The following CLIC4 variants were observed in gnomAD, a reference collection of about 807,000 sequenced individuals.
CLIC4 encodes CLIC family member 4, also known as chloride intracellular channel protein 4.
In CLIC4, 13 loss-of-function variants were observed where a neutral mutation model predicts 24.6. That is an observed-to-expected ratio of 0.53 (90% CI 0.34 to 0.84). The LOEUF is 0.84. Ranked by LOEUF, CLIC4 falls within the 40% of genes least tolerant of loss-of-function variation. The probability of loss-of-function intolerance (pLI) is 0.01; values close to 1 mark genes in which losing one functional copy is unlikely to be tolerated. For missense variants in CLIC4, 227 were observed against 301.7 expected (o/e 0.75, Z 1.83); for synonymous variants, 104 against 111.3 (o/e 0.93, Z 0.41).
At chr1:24,810,281 A>G (rs1003787519) in intron 2 of CLIC4, among the ~76,000 whole-genome samples, 1 of 152,136 alleles carries the variant, frequency 6.6e-6, no homozygotes, top group Non-Finnish European at 1.5e-5. Flanking sequence ...TCTACTTTTT[A>G]TGTTTGATTG....
chr1:24,766,009 GT>G (rs200678135), intron 1 of CLIC4, among the ~76,000 whole-genome samples: 2 of 151,102 alleles, frequency 1.3e-5, no homozygotes, highest in Non-Finnish European at 1.5e-5. Flanking sequence ...TTTAATTTTA[GT>G]TTTTTTTCTT....
intron 2 of CLIC4, among the ~76,000 whole-genome samples, chr1:24,811,778 C>A (rs767155435): frequency 6.6e-6 from 1 of 151,308 alleles, no homozygotes; most frequent in African/African-American, 2.4e-5. Context: ...CTGCACCCAG[C>A]CTGCCCCAGA....
intron 4 of CLIC4, among the ~76,000 whole-genome samples, chr1:24,838,257 C>T (rs1639905326): frequency 6.6e-6 from 1 of 152,182 alleles, no homozygotes; most frequent in Non-Finnish European, 1.5e-5. Flanking sequence ...ATTTAACAAT[C>T]CTTAGAATAA....
At chr1:24,840,426 GAAT>G (rs1639931221) in intron 5 of CLIC4, among the ~76,000 whole-genome samples, 2 of 152,120 alleles carry the variant, frequency 1.3e-5, no homozygotes, top group Admixed American at 6.5e-5. Context: ...TTGTTAAATA[GAAT>G]AATAATAAGC....
intron 1 of CLIC4, among the ~76,000 whole-genome samples, chr1:24,767,024 T>TAAAAAAAAAAAAAAAAA (rs34142565): frequency 1.4e-5 from 1 of 71,124 alleles, no homozygotes; most frequent in Admixed American, 1.5e-4. Flanking sequence ...GCTGATGAGC[T>TAAAAAAAAAAAAAAAAA]AAAAAAAAAA....
intron 1 of CLIC4, among the ~76,000 whole-genome samples, chr1:24,778,455 T>C (rs954951247): frequency 6.6e-6 from 1 of 152,242 alleles, no homozygotes; most frequent in African/African-American, 2.4e-5. Flanking sequence ...TTTGATTTAT[T>C]GTAGTTGATA....
At chr1:24,775,132 C>T (rs1350592950) in intron 1 of CLIC4, among the ~76,000 whole-genome samples, 1 of 149,372 alleles carries the variant, frequency 6.7e-6, no homozygotes, top group Non-Finnish European at 1.5e-5. Flanking sequence ...AATGATAATT[C>T]AACAGTCATT....
At chr1:24,806,497 T>C (rs1433514400) in intron 2 of CLIC4, among the ~76,000 whole-genome samples, 1 of 152,208 alleles carries the variant, frequency 6.6e-6, no homozygotes, top group African/African-American at 2.4e-5. Flanking sequence ...AACAGTTTTA[T>C]CGCTTTATTT....
intron 2 of CLIC4, among the ~76,000 whole-genome samples, chr1:24,807,180 GTTTAGAGAGC>G (rs1557808573): frequency 6.6e-6 from 1 of 151,482 alleles, no homozygotes; most frequent in African/African-American, 2.4e-5. Flanking sequence ...GAATCTTTCT[GTTTAGAGAGC>G]TTAAAAACTT....
chr1:24,770,881 C>A (rs1170505784), intron 1 of CLIC4, among the ~76,000 whole-genome samples: 1 of 152,108 alleles, frequency 6.6e-6, no homozygotes, highest in Non-Finnish European at 1.5e-5. Context: ...TAAAGCAGAT[C>A]TCAGTATGGC....
chr1:24,840,653 TCA>T, intron 5 of CLIC4, 118 bp from the exon 6 acceptor site: 1 of 809,826 alleles, frequency 1.2e-6, no homozygotes, highest in Non-Finnish European at 1.9e-6. Flanking sequence ...GGACTTTTTT[TCA>T]TATAGAAGCA....
chr1:24,792,945 G>A (rs1174558714), intron 1 of CLIC4, among the ~76,000 whole-genome samples: 1 of 152,192 alleles, frequency 6.6e-6, no homozygotes. Flanking sequence ...TGACTGATCT[G>A]TAGCCAGTCC....
At chr1:24,813,863 C>T (rs572357536) in intron 2 of CLIC4, among the ~76,000 whole-genome samples, 183 of 151,762 alleles carry the variant, frequency 1.2e-3, no homozygotes, top group Admixed American at 2.2e-3. Context: ...GTACTATAGA[C>T]ACGCACCACC....
intron 3 of CLIC4, among the ~76,000 whole-genome samples, chr1:24,815,029 G>A (rs917900772): frequency 2.0e-5 from 3 of 152,104 alleles, no homozygotes; most frequent in Non-Finnish European, 2.9e-5. Flanking sequence ...AGACCATTGC[G>A]AGTTAGGTTC....
chr1:24,783,277 G>A (rs1472849572), intron 1 of CLIC4, among the ~76,000 whole-genome samples: 1 of 152,130 alleles, frequency 6.6e-6, no homozygotes, highest in Non-Finnish European at 1.5e-5. Context: ...CTTGCCCTGT[G>A]GTTAGATAGG....
At chr1:24,808,958 G>A (rs1320987021) in intron 2 of CLIC4, among the ~76,000 whole-genome samples, 2 of 152,050 alleles carry the variant, frequency 1.3e-5, no homozygotes, top group African/African-American at 4.8e-5. Flanking sequence ...GATTACAGAC[G>A]TGAGCCACTG....
At chr1:24,786,296 T>C (rs892713500) in intron 1 of CLIC4, among the ~76,000 whole-genome samples, 18 of 152,248 alleles carry the variant, frequency 1.2e-4, no homozygotes, top group African/African-American at 4.3e-4. Context: ...GTTTTCTAAG[T>C]GAGCAGTTCC....
chr1:24,799,004 C>T (rs1469842368), intron 2 of CLIC4, among the ~76,000 whole-genome samples: 5 of 152,242 alleles, frequency 3.3e-5, no homozygotes, highest in African/African-American at 1.2e-4. Context: ...GCAACCTCCA[C>T]CTCCCAGCCG....
chr1:24,830,844 A>G (rs1639832989), intron 4 of CLIC4, among the ~76,000 whole-genome samples: 1 of 152,322 alleles, frequency 6.6e-6, no homozygotes, highest in South Asian at 2.1e-4. Context: ...TAGCTATAAG[A>G]CAGGGAGCTA....
Sources: gnomAD v4.1 joint callset for allele counts (sites outside exome capture counted in the v4.1 genomes callset) on GRCh38, gnomAD v4.1.1 for gene constraint, MANE v1.5 for transcripts, NCBI Gene and HGNC (gene_info 2026-07-23, HGNC 2026-07-21) for gene names.